The following MTF2 variants were observed in gnomAD, a reference collection of about 807,000 sequenced individuals.
MTF2 encodes the protein metal-response element-binding transcription factor 2.
Under a neutral mutation model 79.5 loss-of-function variants are expected in MTF2, and 11 were observed. The observed-to-expected ratio is 0.14, with a 90% CI of 0.09 to 0.23. The LOEUF is 0.23. Among genes scored for constraint, MTF2 ranks in the 10% least tolerant of loss-of-function variants. MTF2 has a pLI of 1.00. For missense variants in MTF2, 486 were observed against 711.2 expected, an observed-to-expected ratio of 0.68 and a Z score of 3.60; for synonymous variants, 208 against 232.8, an observed-to-expected ratio of 0.89 and a Z score of 0.97.
intron 1 of MTF2, chr1:93,081,041 G>A (rs987176880): frequency 2.6e-5 from 4 of 152,038 alleles, no homozygotes; most frequent in Admixed American, 2.0e-4. Flanking sequence ...TGCTAAAAAT[G>A]TTCTAAATAT....
At chr1:93,120,967 T>G in intron 9 of MTF2, 1 of 1,097,256 alleles carries the variant, frequency 9.1e-7, no homozygotes, top group Non-Finnish European at 1.1e-6. Context: ...GGGAGAAATC[T>G]TTAGTATTGG....
chr1:93,092,167 A>C (rs1655099721), intron 1 of MTF2, among the ~76,000 whole-genome samples: 1 of 151,968 alleles, frequency 6.6e-6, no homozygotes, highest in African/African-American at 2.4e-5. Context: ...GCTCCTTATT[A>C]TTTCATGGAT....
chr1:93,109,318 T>C (rs758904712), intron 1 of MTF2, among the ~76,000 whole-genome samples: 1 of 152,060 alleles, frequency 6.6e-6, no homozygotes, highest in Non-Finnish European at 1.5e-5. Flanking sequence ...ACTCTTATAG[T>C]GTACTTTCCT....
intron 9 of MTF2, among the ~76,000 whole-genome samples, chr1:93,126,895 A>G (rs1464022166): frequency 6.6e-6 from 1 of 152,138 alleles, no homozygotes; most frequent in Non-Finnish European, 1.5e-5. Flanking sequence ...CCTAGGTTAA[A>G]GAATTTTTGA....
At chr1:93,123,751 G>C (rs1241208979) in intron 9 of MTF2, among the ~76,000 whole-genome samples, 8 of 137,778 alleles carry the variant, frequency 5.8e-5, no homozygotes, top group Non-Finnish European at 1.1e-4. Flanking sequence ...ATTCTGTTTC[G>C]TGTATTGTGT....
chr1:93,087,132 A>C (rs528282761), intron 1 of MTF2, among the ~76,000 whole-genome samples: 1 of 152,316 alleles, frequency 6.6e-6, no homozygotes, highest in Non-Finnish European at 1.5e-5. Flanking sequence ...AGAAAGTTTC[A>C]GATTTTGAAG....
In MTF2 at chr1:93,102,701, T is replaced by C. The variant is rs147811599; in HGVS notation, c.6-7529T>C. Among the ~76,000 whole-genome samples, 1,130 of 152,312 alleles carry C rather than the reference T, an allele frequency of 7.4e-3. 9 individuals carry two copies. The highest frequency in any genetic ancestry group is 0.011 in the Non-Finnish European group (728 of 68,030). ...TGTCAAACAGCAAAAGAATGATAAT[T>C]CTTCCCGTTGGTGAAGGTGTGGTGA... On this transcript the variant is annotated intron_variant, in intron 1 of 14. Transcript: ENST00000370298.
rs1230601314 is a variant in MTF2, at chr1:93,131,020, CAGGAGCTCAT to C, written c.1160+1578_1160+1587del. ...AATACAGGCAATTGGATGTGTAATT[CAGGAGCTCAT>C]AGGAGAGGTCTGGGCAGGTGATACA... On this transcript the variant is annotated intron_variant, in intron 11 of 14. Coordinates refer to ENST00000370298, the MANE Select transcript of MTF2 (RefSeq NM_007358.4). Among the ~76,000 whole-genome samples the C allele has an allele frequency of 2.6e-5, 4 of 152,036 alleles. No individual in the cohort carries two copies. In the East Asian group the frequency reaches 5.8e-4, roughly 22 times the overall value.
At chr1:93,084,897 G>T (rs889259480) in intron 1 of MTF2, among the ~76,000 whole-genome samples, 19 of 152,102 alleles carry the variant, frequency 1.2e-4, no homozygotes, top group African/African-American at 3.4e-4. Context: ...AGTATTAAAA[G>T]AAATACTTTG....
intron 1 of MTF2, among the ~76,000 whole-genome samples, chr1:93,087,635 C>CAGA (rs1376585952): frequency 5.3e-5 from 8 of 151,550 alleles, no homozygotes; most frequent in African/African-American, 1.9e-4. Flanking sequence ...ACTGTCGATA[C>CAGA]TGGCAGTGAA....
intron 1 of MTF2, among the ~76,000 whole-genome samples, chr1:93,085,126 T>G (rs1449437583): frequency 6.6e-6 from 1 of 152,112 alleles, no homozygotes; most frequent in Non-Finnish European, 1.5e-5. Context: ...TTTTAAAATT[T>G]CAAAGCATTG....
At chr1:93,105,431 A>T (rs907339752) in intron 1 of MTF2, among the ~76,000 whole-genome samples, 10 of 152,156 alleles carry the variant, frequency 6.6e-5, no homozygotes, top group Admixed American at 6.5e-4. Flanking sequence ...CAGAGAGAAG[A>T]TTTATTGAAT....
intron 1 of MTF2, among the ~76,000 whole-genome samples, chr1:93,084,743 C>T (rs540811298): frequency 6.6e-6 from 1 of 152,282 alleles, no homozygotes; most frequent in South Asian, 2.1e-4. Flanking sequence ...GTGGTCCCAG[C>T]TACTCAGGAG....
At chr1:93,121,766 G>A (rs532025467) in intron 9 of MTF2, 1 of 885,370 alleles carries the variant, frequency 1.1e-6, no homozygotes, top group Admixed American at 6.2e-5. Flanking sequence ...TGAAGTCTGA[G>A]AGAAAGTGAG....
At chr1:93,106,669 G>C (rs1193157617) in intron 1 of MTF2, among the ~76,000 whole-genome samples, 4 of 152,062 alleles carry the variant, frequency 2.6e-5, no homozygotes, top group African/African-American at 4.8e-5. Flanking sequence ...ACAGGCATAC[G>C]CCACCACACC....
chr1:93,084,809 C>T (rs1465752575), intron 1 of MTF2, among the ~76,000 whole-genome samples: 1 of 152,078 alleles, frequency 6.6e-6, no homozygotes, highest in African/African-American at 2.4e-5. Context: ...TTTGAGACTT[C>T]AGTGAACTAT....
At chr1:93,090,045 C>T (rs911055864) in intron 1 of MTF2, among the ~76,000 whole-genome samples, 25 of 152,172 alleles carry the variant, frequency 1.6e-4, no homozygotes, top group South Asian at 1.2e-3. Flanking sequence ...AGCACGATCT[C>T]GGCTCACTGC....
At position 93,137,232 on chromosome 1, in the gene MTF2, G is replaced by C. The variant is rs1647439682; in HGVS notation, c.*205G>C. The C allele has an allele frequency of 2.3e-6, 1 of 433,330 alleles. No homozygotes were observed. The highest frequency in any genetic ancestry group is 6.1e-5 in the South Asian group (1 of 16,522). 26.8% of individuals were successfully genotyped at this position (433,330 alleles called of 1,614,324 possible). A position where few individuals can be genotyped will look rare whatever the true frequency, so the allele number is the denominator to read the frequency against. ...AAGGTATCTTTTAAAAATCAGAACA[G>C]AGACTTAATTTTTTAAATCTTAAGA... On this transcript the variant is annotated 3_prime_UTR_variant, in exon 15 of 15. Coordinates refer to ENST00000370298, the MANE Select transcript of MTF2 (RefSeq NM_007358.4).
chr1:93,133,302 G>A (rs1347129110), intron 11 of MTF2, among the ~76,000 whole-genome samples: 2 of 152,026 alleles, frequency 1.3e-5, no homozygotes, highest in South Asian at 2.1e-4. Context: ...GTCATTTTTA[G>A]TAGTAAATCC....
Sources: allele counts gnomAD v4.1 joint callset (sites outside exome capture counted in the v4.1 genomes callset), GRCh38; gene constraint gnomAD v4.1.1; transcripts MANE v1.5; gene names NCBI Gene and HGNC (gene_info 2026-07-23, HGNC 2026-07-21).